The following DNAH9 variants were observed in gnomAD, a reference collection of about 807,000 sequenced individuals.
The protein encoded by DNAH9 is dynein axonemal heavy chain 9.
Under a neutral mutation model 471.6 loss-of-function variants are expected in DNAH9, and 345 were observed. The ratio of observed to expected loss-of-function variants is 0.73; its 90% CI spans 0.67 to 0.80. DNAH9 has a LOEUF of 0.80. Ranked by LOEUF, DNAH9 falls within the 30% of genes least tolerant of loss-of-function variation. The pLI is 0.00. For missense variants in DNAH9, 5,407 were observed against 5,609.2 expected, an observed-to-expected ratio of 0.96 and a Z score of 1.15; for synonymous variants, 2,093 against 2,123.6, an observed-to-expected ratio of 0.99 and a Z score of 0.40.
At position 11,823,098 on chromosome 17, in the gene DNAH9, A is replaced by G. The variant is rs1970369012; in HGVS notation, c.9246+64A>G. The G allele has an allele frequency of 6.7e-6, 9 of 1,344,984 alleles. No homozygotes were observed. The Admixed American group carries it at 2.2e-4, about 32-fold the overall frequency. 83.3% of individuals were successfully genotyped at this position (1,344,984 alleles called of 1,614,324 possible). ...GGAGGGAGCTGAAGCAGCCCTTTCC[A>G]GTGAACTGGAGGGATCACAATCAAG... On this transcript the variant is annotated intron_variant, in intron 48 of 68. Coordinates refer to ENST00000262442, the MANE Select transcript of DNAH9 (RefSeq NM_001372.4).
At chr17:11,628,161 A>G (rs1209881144) in intron 6 of DNAH9, among the ~76,000 whole-genome samples, 1 of 152,236 alleles carries the variant, frequency 6.6e-6, no homozygotes, top group Non-Finnish European at 1.5e-5. Context: ...ATTGGAAGTC[A>G]TGACAAGAAA....
chr17:11,715,987 A>G (rs74679903), intron 26 of DNAH9, among the ~76,000 whole-genome samples: 4,118 of 152,034 alleles, frequency 0.027, 134 homozygotes, highest in South Asian at 0.11. Flanking sequence ...GAGCAGGGAT[A>G]TGTCCCAAAG....
At position 11,598,587 on chromosome 17, in the gene DNAH9, C is replaced by A. The variant is rs1205208358; in HGVS notation, c.89C>A (p.Thr30Asn). The change falls in exon 1 of 69, where the codon ACC becomes AAC. Residue 30 changes from threonine to asparagine, a missense_variant. Physicochemically the swap from Thr to Asn is moderately conservative, Grantham distance 65. Coordinates refer to ENST00000262442, the MANE Select transcript of DNAH9 (RefSeq NM_001372.4). Reference sequence around the variant, plus strand: ...GACCGACGACTGCGACTCCTGGGGACCTACGTGGCCATGAGCCTGCGGCCG... The same window carrying A: ...GACCGACGACTGCGACTCCTGGGGAACTACGTGGCCATGAGCCTGCGGCCG... ...GADRRLRLLG[T>N]YVAMSLRPAA... 2 of 1,328,886 alleles carry A rather than the reference C, an allele frequency of 1.5e-6. No individual in the cohort carries two copies. Among genetic ancestry groups the A allele is most frequent in the Non-Finnish European group, 9.7e-7 (1 of 1,030,028 alleles). 82.3% of individuals were successfully genotyped at this position (1,328,886 alleles called of 1,614,324 possible).
rs544031369 is a variant in DNAH9 at position 11,679,068 on chromosome 17, CTTGT to C, written c.3354-686_3354-683del. Among the ~76,000 whole-genome samples the C allele has an allele frequency of 9.2e-5, 14 of 152,038 alleles. No homozygotes were observed. In the South Asian group the frequency reaches 2.7e-3, roughly 29 times the overall value. ...CTCAGTTATTGTATAATTTTGCTTGCTTGTTTTTGTTCTTTGTTATTTTTCACAT... is the reference window on the plus strand; with the variant it reads ...CTCAGTTATTGTATAATTTTGCTTGCTTTTGTTCTTTGTTATTTTTCACAT... On this transcript the variant is annotated intron_variant, in intron 17 of 68. Coordinates refer to ENST00000262442, the MANE Select transcript of DNAH9 (RefSeq NM_001372.4).
At chr17:11,914,846 C>G (rs1471083524) in intron 61 of DNAH9, among the ~76,000 whole-genome samples, 2 of 152,108 alleles carry the variant, frequency 1.3e-5, no homozygotes, top group Non-Finnish European at 2.9e-5. Flanking sequence ...GCTGAGCAGT[C>G]AGCCTGTCAT....
rs1429857204 is a variant in DNAH9, at chr17:11,732,836, C to A, written c.5814+4914C>A. ...TGTGGCCAGGCCTTCCTGGCACTTT[C>A]TTCTCTTCCCTGCATTACAAGCCCC... On this transcript the variant is annotated intron_variant, in intron 28 of 68. Coordinates refer to ENST00000262442, the MANE Select transcript of DNAH9 (RefSeq NM_001372.4). Among the ~76,000 whole-genome samples, 4 of 152,236 alleles carry A rather than the reference C, an allele frequency of 2.6e-5. No homozygotes were observed. The East Asian group carries it at 7.8e-4, about 30-fold the overall frequency.
chr17:11,910,124 G>A (rs1013691611), intron 61 of DNAH9, among the ~76,000 whole-genome samples: 4 of 151,988 alleles, frequency 2.6e-5, no homozygotes, highest in East Asian at 3.9e-4. Flanking sequence ...GCATGGTGGC[G>A]GGTGCCTGTA....
chr17:11,729,644 C>A (rs538488338), intron 28 of DNAH9, among the ~76,000 whole-genome samples: 1 of 151,206 alleles, frequency 6.6e-6, no homozygotes, highest in Admixed American at 6.6e-5. Context: ...GGCAAGAGTG[C>A]GGGATTGAGG....
At chr17:11,923,600 T>C (rs891988393) in intron 61 of DNAH9, among the ~76,000 whole-genome samples, 1 of 152,188 alleles carries the variant, frequency 6.6e-6, no homozygotes, top group African/African-American at 2.4e-5. Flanking sequence ...CATGAGCCAC[T>C]GCGCCCGGCT....
chr17:11,787,677 A>G (rs766793387), intron 41 of DNAH9, among the ~76,000 whole-genome samples: 9 of 152,208 alleles, frequency 5.9e-5, no homozygotes, highest in Non-Finnish European at 1.3e-4. Context: ...TCCCCACCCA[A>G]ATCTCATCTT....
chr17:11,635,974 G>A lies in DNAH9; in HGVS notation c.1636-660G>A, dbSNP rs563502376. 4.1e-5 allele frequency among the ~76,000 whole-genome samples: 6 copies of A among 146,668 alleles called. No homozygotes were observed. The East Asian group carries it at 9.9e-4, about 24-fold the overall frequency. On this transcript the variant is annotated intron_variant, in intron 8 of 68. Transcript: ENST00000262442. ...CATCATTACCTTCTTTCTGTTCTAG[G>A]TTTTGTTTTTTTTGTTTGTTTATTT...
chr17:11,703,378 A>G (rs2074637986), intron 24 of DNAH9, among the ~76,000 whole-genome samples: 1 of 152,218 alleles, frequency 6.6e-6, no homozygotes, highest in African/African-American at 2.4e-5. Flanking sequence ...TCACAAAGGG[A>G]GTAAATCCCA....
chr17:11,678,969 T>C (rs2074091085), intron 17 of DNAH9, among the ~76,000 whole-genome samples: 1 of 152,210 alleles, frequency 6.6e-6, no homozygotes, highest in Non-Finnish European at 1.5e-5. Context: ...ACGTATATCA[T>C]ACAGCAGTCT....
At chr17:11,754,563 C>T (rs549590235) in intron 33 of DNAH9, among the ~76,000 whole-genome samples, 1 of 152,260 alleles carries the variant, frequency 6.6e-6, no homozygotes, top group Non-Finnish European at 1.5e-5. Flanking sequence ...TTTTGATTTG[C>T]ATTTCTCTAA....
intron 61 of DNAH9, among the ~76,000 whole-genome samples, chr17:11,922,307 A>AG (rs569413641): frequency 1.3e-5 from 2 of 152,268 alleles, no homozygotes; most frequent in East Asian, 3.9e-4. Context: ...ATTTTTTTTA[A>AG]GTATGGATTT....
chr17:11,910,254 C>CA lies in DNAH9; in HGVS notation c.11749+4458dup, dbSNP rs556634817. Among the ~76,000 whole-genome samples, 773 of 136,240 alleles carry CA rather than the reference C, an allele frequency of 5.7e-3. 5 individuals carry two copies. The highest frequency in any genetic ancestry group is 0.015 in the African/African-American group (568 of 37,116). The allele number at this position is 136,240 out of a possible 152,430, so 89.4% of individuals were successfully genotyped here. The stretch of plus-strand genomic sequence containing the variant: ...TGGGTGACAGAGTGAGACTCCATCT[C>CA]AAAAAAAAAAAAATTGCCTATTCTG... On this transcript the variant is annotated intron_variant, in intron 61 of 68. Coordinates refer to ENST00000262442, the MANE Select transcript of DNAH9 (RefSeq NM_001372.4).
rs550588212 is a variant in DNAH9 at position 11,619,703 on chromosome 17, A to G, written c.1272A>G (p.Glu424=). 1.9e-6 allele frequency: 3 copies of G among 1,614,122 alleles called. No individual in the cohort carries two copies. The South Asian group carries it at 3.3e-5, about 18-fold the overall frequency. Residue 424 remains glutamate, a synonymous_variant, in exon 6 of 69, where the codon GAA becomes GAG. Coordinates refer to ENST00000262442, the MANE Select transcript of DNAH9 (RefSeq NM_001372.4). ...ACACTTACTTCAAAGAGAACCAGGAAGTCAAGGAATGGGATTTCCAGTCTT... is the reference window on the plus strand; with the variant it reads ...ACACTTACTTCAAAGAGAACCAGGAGGTCAAGGAATGGGATTTCCAGTCTT... ...NLHTYFKENQ[E]VKEWDFQSSL...
At chr17:11,609,853 G>C (rs112537559) in intron 2 of DNAH9, among the ~76,000 whole-genome samples, 1 of 152,216 alleles carries the variant, frequency 6.6e-6, no homozygotes, top group East Asian at 1.9e-4. Context: ...TTAGCCTTGT[G>C]AAGGAGGAAA....
At chr17:11,800,871 C>G (rs1453762136) in intron 43 of DNAH9, among the ~76,000 whole-genome samples, 3 of 152,158 alleles carry the variant, frequency 2.0e-5, no homozygotes, top group African/African-American at 7.2e-5. Flanking sequence ...CTAGCAGGTG[C>G]TCAGTAAAAC....
Sources: gnomAD v4.1 joint callset for allele counts (sites outside exome capture counted in the v4.1 genomes callset) on GRCh38, gnomAD v4.1.1 for gene constraint, MANE v1.5 for transcripts, NCBI Gene and HGNC (gene_info 2026-07-23, HGNC 2026-07-21) for gene names.